BBX: variants seen among roughly 807,000 people sequenced by gnomAD.
BBX encodes the protein BBX high mobility group box domain containing.
Under a neutral mutation model 100.2 loss-of-function variants are expected in BBX, and 30 were observed. The ratio of observed to expected loss-of-function variants is 0.30; its 90% CI spans 0.22 to 0.41. BBX has a LOEUF of 0.41. Ranked by LOEUF, BBX falls within the 10% of genes least tolerant of loss-of-function variation. The pLI is 1.00. For missense variants in BBX, 1,023 were observed against 1,129.8 expected, an observed-to-expected ratio of 0.91 and a Z score of 1.35; for synonymous variants, 376 against 388.1, an observed-to-expected ratio of 0.97 and a Z score of 0.37.
chr3:107,737,894 T>TTTG (rs1560069860), intron 7 of BBX, among the ~76,000 whole-genome samples: 2 of 131,312 alleles, frequency 1.5e-5, no homozygotes, highest in South Asian at 2.4e-4. Context: ...GTTTTTTTTT[T>TTTG]TTTTTTTTTT....
chr3:107,587,300 T>TCATAC (rs2052923133), intron 2 of BBX, among the ~76,000 whole-genome samples: 1 of 139,226 alleles, frequency 7.2e-6, no homozygotes, highest in African/African-American at 2.7e-5. Context: ...TGAGCCCAGA[T>TCATAC]CATACCACAG....
chr3:107,731,918 A>G (rs34590636), intron 6 of BBX, among the ~76,000 whole-genome samples: 14,594 of 152,276 alleles, frequency 0.096, 937 homozygotes, highest in Admixed American at 0.14. Flanking sequence ...CCTTATATGT[A>G]CTAGGAGAGA....
chr3:107,530,046 C>T (rs1034270020), intron 2 of BBX, among the ~76,000 whole-genome samples: 2 of 151,990 alleles, frequency 1.3e-5, no homozygotes, highest in South Asian at 2.1e-4. Context: ...TATGTAAGTT[C>T]GAGAATCTAG....
chr3:107,591,567 A>G (rs975310232), intron 2 of BBX, among the ~76,000 whole-genome samples: 2 of 152,220 alleles, frequency 1.3e-5, no homozygotes, highest in South Asian at 4.1e-4. Flanking sequence ...GGCTCACTGC[A>G]GCCTCAACCT....
intron 3 of BBX, among the ~76,000 whole-genome samples, chr3:107,676,836 A>AGG (rs1173148521): frequency 9.2e-5 from 14 of 152,158 alleles, no homozygotes; most frequent in Admixed American, 5.9e-4. Context: ...CATGCAGAAT[A>AGG]GCTTTTTAAA....
chr3:107,572,200 CCACATCGGA>C, intron 2 of BBX, among the ~76,000 whole-genome samples: 1 of 152,162 alleles, frequency 6.6e-6, no homozygotes, highest in Non-Finnish European at 1.5e-5. Context: ...GTGCTGGTGA[CCACATCGGA>C]CACTCATTGT....
At chr3:107,732,246 G>A (rs774889312) in intron 6 of BBX, among the ~76,000 whole-genome samples, 1 of 151,918 alleles carries the variant, frequency 6.6e-6, no homozygotes, top group African/African-American at 2.4e-5. Context: ...TACAACCTGG[G>A]TTATAGATCT....
intron 2 of BBX, among the ~76,000 whole-genome samples, chr3:107,551,589 G>A (rs567688709): frequency 4.6e-5 from 7 of 152,296 alleles, no homozygotes; most frequent in Admixed American, 1.3e-4. Context: ...TGGCATCACC[G>A]ACCTCATTAA....
intron 3 of BBX, among the ~76,000 whole-genome samples, chr3:107,699,516 A>T (rs2060895017): frequency 6.6e-6 from 1 of 151,990 alleles, no homozygotes; most frequent in South Asian, 2.1e-4. Context: ...ACATGAGCAG[A>T]TATTTGTTGA....
At chr3:107,596,986 T>A (rs890763228) in intron 2 of BBX, among the ~76,000 whole-genome samples, 4 of 152,218 alleles carry the variant, frequency 2.6e-5, no homozygotes, top group African/African-American at 9.6e-5. Flanking sequence ...TTAAACTTTT[T>A]TACTCCTGTA....
chr3:107,805,538 T>A lies in BBX; in HGVS notation c.*81T>A. The A allele has an allele frequency of 6.2e-7, 1 of 1,610,650 alleles. No individual in the cohort carries two copies. Among genetic ancestry groups the A allele is most frequent in the Non-Finnish European group, 8.5e-7 (1 of 1,178,062 alleles). ...ACCGAGGGATGCTAGTGAGTCCAAGTGGTGGAAAATATAGACTGCAAACAA... is the reference window on the plus strand; with the variant it reads ...ACCGAGGGATGCTAGTGAGTCCAAGAGGTGGAAAATATAGACTGCAAACAA... On this transcript the variant is annotated 3_prime_UTR_variant, in exon 18 of 18. Transcript: ENST00000325805.
At chr3:107,804,812 CTTT>C (rs771866658) in intron 17 of BBX, among the ~76,000 whole-genome samples, 5 of 142,696 alleles carry the variant, frequency 3.5e-5, no homozygotes, top group Non-Finnish European at 3.1e-5. Context: ...TTCTTCATTC[CTTT>C]TTTTTTTTTT....
rs915847330 is a variant in BBX, at chr3:107,582,434, G to A, written c.-84+56036G>A. On this transcript the variant is annotated intron_variant, in intron 2 of 17. Transcript: ENST00000325805. Reference sequence around the variant, plus strand: ...GTTATATCTTTATGGTTGAAGGATCGTCCTAGTCTGTCAGTTGTCATCTTT... The same window carrying A: ...GTTATATCTTTATGGTTGAAGGATCATCCTAGTCTGTCAGTTGTCATCTTT... Among the ~76,000 whole-genome samples, 6 of 152,022 alleles carry A rather than the reference G, an allele frequency of 3.9e-5. No individual in the cohort carries two copies. In the South Asian group the frequency reaches 6.2e-4, roughly 16 times the overall value.
At position 107,737,304 on chromosome 3, in the gene BBX, C is replaced by CAG. The variant is rs10575069; in HGVS notation, c.669+4308_669+4309dup. Among the ~76,000 whole-genome samples the CAG allele has an allele frequency of 5.5e-3, 786 of 142,796 alleles. 6 individuals are homozygous for CAG. The highest frequency in any genetic ancestry group is 0.019 in the African/African-American group (748 of 39,056). 93.7% of individuals were successfully genotyped at this position (142,796 alleles called of 152,430 possible). ...TACCAGCAACATGCATACATACACA[C>CAG]AGAGAGAGAGAGAGAGAGAGAGAGA... On this transcript the variant is annotated intron_variant, in intron 7 of 17. Coordinates refer to ENST00000325805, the MANE Select transcript of BBX (RefSeq NM_001142568.3).
intron 2 of BBX, among the ~76,000 whole-genome samples, chr3:107,640,959 G>A (rs532490050): frequency 4.8e-4 from 73 of 152,238 alleles, no homozygotes; most frequent in African/African-American, 1.6e-3. Context: ...CAGCGCACCC[G>A]GTCTGTTAAT....
chr3:107,669,033 T>G (rs2058891877), intron 3 of BBX, among the ~76,000 whole-genome samples: 1 of 152,140 alleles, frequency 6.6e-6, no homozygotes, highest in African/African-American at 2.4e-5. Flanking sequence ...CAATGTTAAC[T>G]TCAGAGATTT....
intron 3 of BBX, chr3:107,659,681 A>G (rs2058342071): frequency 1.6e-6 from 2 of 1,246,360 alleles, no homozygotes; most frequent in Non-Finnish European, 1.0e-6. Context: ...TTGTTCTCCT[A>G]ACCACACCAC....
intron 3 of BBX, among the ~76,000 whole-genome samples, chr3:107,698,465 A>G (rs1390361796): frequency 6.6e-6 from 1 of 151,666 alleles, no homozygotes; most frequent in African/African-American, 2.4e-5. Context: ...AGCCTGGCCA[A>G]TATGGTGAAA....
Position 107,798,584 on chromosome 3 carries a change from C to T in BBX, c.2415C>T (p.Ser805=). ...EPVHKVKNIP[S]IFNTPEPTTT... ...TTCATAAGGTTAAAAATATCCCATC[C>T]ATTTTCAACACTCCAGAGCCAACAA... The change falls in exon 16 of 18, where the codon TCC becomes TCT. Residue 805 remains serine (S), a synonymous_variant. Transcript: ENST00000325805. 1 of 1,614,028 alleles carries T rather than the reference C, an allele frequency of 6.2e-7. No homozygotes were observed. Among genetic ancestry groups the T allele is most frequent in the Non-Finnish European group, 8.5e-7 (1 of 1,179,964 alleles).
Sources: gnomAD v4.1 joint callset for allele counts (sites outside exome capture counted in the v4.1 genomes callset) on GRCh38, gnomAD v4.1.1 for gene constraint, MANE v1.5 for transcripts, NCBI Gene and HGNC (gene_info 2026-07-23, HGNC 2026-07-21) for gene names.